ANKRD27: variants seen among roughly 807,000 people sequenced by gnomAD.
ANKRD27 encodes the protein ankyrin repeat domain 27.
A neutral mutation model predicts 129.7 loss-of-function variants in ANKRD27; 112 were observed. That is an observed-to-expected ratio of 0.86 (90% CI 0.74 to 1.01). The LOEUF (loss-of-function observed/expected upper bound fraction) is 1.01, where lower values mean the gene tolerates loss of function less well. Among genes scored for constraint, ANKRD27 ranks in the 50% least tolerant of loss-of-function variants. ANKRD27 has a pLI of 0.00. For synonymous variants in ANKRD27, 516 were observed against 511.2 expected (o/e 1.01, Z -0.13); for missense variants, 1,258 against 1,300.5 (o/e 0.97, Z 0.50).
chr19:32,654,575 TG>T (rs1967483838), intron 2 of ANKRD27, among the ~76,000 whole-genome samples: 1 of 152,232 alleles, frequency 6.6e-6, no homozygotes, highest in African/African-American at 2.4e-5. Flanking sequence ...GGGGCCGGCA[TG>T]GGCCAGCAAA....
chr19:32,609,411 G>A (rs1312227700), intron 22 of ANKRD27, among the ~76,000 whole-genome samples: 1 of 152,094 alleles, frequency 6.6e-6, no homozygotes, highest in Non-Finnish European at 1.5e-5. Flanking sequence ...CCAGAAGCAG[G>A]AAAACTACTC....
chr19:32,626,692 A>T lies in ANKRD27; in HGVS notation c.1536+20T>A, dbSNP rs1053696886. On this transcript the variant is annotated intron_variant, in intron 16 of 28. Coordinates refer to ENST00000306065, the MANE Select transcript of ANKRD27 (RefSeq NM_032139.3). ...CACAGGAGCAAAGCGACAGCCCGCCACAAAGGCACCACTGCTCACCGTCAC... is the reference window on the plus strand; with the variant it reads ...CACAGGAGCAAAGCGACAGCCCGCCTCAAAGGCACCACTGCTCACCGTCAC... 6.3e-7 allele frequency: 1 copy of T among 1,575,734 alleles called. No homozygotes were observed. The highest frequency in any genetic ancestry group is 8.6e-7 in the Non-Finnish European group (1 of 1,157,800).
At chr19:32,667,873 T>C (rs1967791090) in intron 1 of ANKRD27, among the ~76,000 whole-genome samples, 1 of 150,706 alleles carries the variant, frequency 6.6e-6, no homozygotes, top group Admixed American at 6.6e-5. Flanking sequence ...AGCTTGAGCC[T>C]GGGGCCTTCT....
rs182858466 is a variant in ANKRD27 at position 32,629,126 on chromosome 19, G to A, written c.1210-277C>T. Among the ~76,000 whole-genome samples the A allele has an allele frequency of 5.2e-3, 793 of 152,200 alleles. 3 individuals are homozygous for A. Among genetic ancestry groups the A allele is most frequent in the African/African-American group, 0.018 (736 of 41,516 alleles). ...AGTAGACACGGGGTTTTGCCATGTT[G>A]GCCAGGCTGGTCTCAAACTCCTGAC... is the stretch of plus-strand genomic sequence containing the variant. On this transcript the variant is annotated intron_variant, in intron 13 of 28. Coordinates refer to ENST00000306065, the MANE Select transcript of ANKRD27 (RefSeq NM_032139.3).
intron 1 of ANKRD27, chr19:32,672,820 C>T (rs1967898128): frequency 6.6e-6 from 1 of 152,486 alleles, no homozygotes; most frequent in South Asian, 2.1e-4. Flanking sequence ...TGGGCAGGAG[C>T]TCTAGGGCCG....
intron 1 of ANKRD27, among the ~76,000 whole-genome samples, chr19:32,665,286 T>C (rs1180613641): frequency 3.0e-5 from 4 of 132,654 alleles, no homozygotes; most frequent in Non-Finnish European, 4.9e-5. Context: ...ACTAAATTCA[T>C]GAATTTTTTT....
At chr19:32,603,309 T>C (rs1374903347) in intron 25 of ANKRD27, among the ~76,000 whole-genome samples, 1 of 152,172 alleles carries the variant, frequency 6.6e-6, no homozygotes, top group East Asian at 1.9e-4. Flanking sequence ...CTAAGGAGCC[T>C]GTCCATGGAG....
At position 32,597,245 on chromosome 19, in the gene ANKRD27, T is replaced by G. The variant is rs1971583691; in HGVS notation, c.*900A>C. ...TAGGCCAATAACATAAAAATAACAG[T>G]ATAATCTATAGAAATTTATAAAAAG... On this transcript the variant is annotated 3_prime_UTR_variant, in exon 29 of 29. Transcript: ENST00000306065. The G allele has an allele frequency of 6.6e-6, 1 of 152,564 alleles. No homozygotes were observed. The highest frequency in any genetic ancestry group is 2.1e-4 in the South Asian group (1 of 4,830). 9.5% of individuals were successfully genotyped at this position (152,564 alleles called of 1,614,324 possible).
At chr19:32,616,530 C>T (rs1469832092) in intron 21 of ANKRD27, among the ~76,000 whole-genome samples, 1 of 132,794 alleles carries the variant, frequency 7.5e-6, no homozygotes, top group African/African-American at 2.9e-5. Context: ...TCCTGGATGA[C>T]AGCGCAAGAC....
rs1428123686 is a variant in ANKRD27 at position 32,626,117 on chromosome 19, C to T, written c.1537-151G>A. 1.6e-5 allele frequency: 9 copies of T among 561,082 alleles called. No homozygotes were observed. The Admixed American group carries it at 2.7e-4, about 17-fold the overall frequency. 34.8% of individuals were successfully genotyped at this position (561,082 alleles called of 1,614,324 possible). On this transcript the variant is annotated intron_variant, in intron 16 of 28. Transcript: ENST00000306065. ...AAACCAACACCCATCATTCCTGACA[C>T]TTGAGAGACTGAAGAAAAAAGTCTA...
rs1337226920 is a variant in ANKRD27 at position 32,658,917 on chromosome 19, G to A, written c.99C>T (p.Gly33=). 3 of 1,613,626 alleles carry A rather than the reference G, an allele frequency of 1.9e-6. No individual in the cohort carries two copies. The highest frequency in any genetic ancestry group is 2.7e-5 in the African/African-American group (2 of 74,868). ...CCCCGAGGCTCAGTGCACTTACAAT[G>A]CCATGGATTTGGGCCACTTTGCTGC... ...DLCSKVAQIH[G]IVLVPCKGSL... Residue 33 remains glycine, a synonymous_variant, in exon 2 of 29, where the codon GGC becomes GGT. Coordinates refer to ENST00000306065, the MANE Select transcript of ANKRD27 (RefSeq NM_032139.3).
intron 1 of ANKRD27, 97 bp from the exon 2 acceptor site, chr19:32,659,142 T>C (rs904465892): frequency 9.1e-5 from 49 of 537,402 alleles, no homozygotes; most frequent in Middle Eastern, 3.2e-4. Flanking sequence ...TCTTTTTCTT[T>C]TTTTTTTTTT....
chr19:32,639,578 T>G, intron 11 of ANKRD27, 90 bp from the exon 12 acceptor site: 1 of 1,421,432 alleles, frequency 7.0e-7, no homozygotes, highest in Non-Finnish European at 9.7e-7. Flanking sequence ...ACTGATCAAA[T>G]ATCTAGTCAG....
chr19:32,643,204 C>T lies in ANKRD27; in HGVS notation c.706-5G>A. On this transcript the variant is annotated splice_polypyrimidine_tract_variant and splice_region_variant and intron_variant, in intron 8 of 28. Coordinates refer to ENST00000306065, the MANE Select transcript of ANKRD27 (RefSeq NM_032139.3). ...GATTTTGTTAAAGGCCGCATCCTAACAACAGATTTTAACGAACCTTCAAAT... is the reference window on the plus strand; with the variant it reads ...GATTTTGTTAAAGGCCGCATCCTAATAACAGATTTTAACGAACCTTCAAAT... The T allele has an allele frequency of 6.2e-7, 1 of 1,614,102 alleles. No homozygotes were observed. Among genetic ancestry groups the T allele is most frequent in the African/African-American group, 1.3e-5 (1 of 75,044 alleles).
At position 32,648,885 on chromosome 19, in the gene ANKRD27, G is replaced by C. The variant is rs79414477; in HGVS notation, c.213+797C>G. ...ATGTGGCAAGAATGTTAACAGCTTGGGGGGAAGCACATTTAAGAGTTTTTT... is the reference window on the plus strand; with the variant it reads ...ATGTGGCAAGAATGTTAACAGCTTGCGGGGAAGCACATTTAAGAGTTTTTT... On this transcript the variant is annotated intron_variant, in intron 3 of 28. Transcript: ENST00000306065. 1.3e-4 allele frequency among the ~76,000 whole-genome samples: 19 copies of C among 151,894 alleles called. No individual in the cohort carries two copies. The South Asian group carries it at 3.5e-3, about 28-fold the overall frequency.
intron 1 of ANKRD27, among the ~76,000 whole-genome samples, chr19:32,674,733 G>T (rs1216792557): frequency 1.3e-5 from 2 of 151,118 alleles, no homozygotes; most frequent in East Asian, 2.0e-4. Context: ...ACCGCCCCGC[G>T]CCCCGCCAGA....
At chr19:32,629,438 G>A (rs1292350335) in intron 13 of ANKRD27, among the ~76,000 whole-genome samples, 1 of 151,998 alleles carries the variant, frequency 6.6e-6, no homozygotes, top group African/African-American at 2.4e-5. Flanking sequence ...GGTGGCTCAC[G>A]CCTATAATCC....
chr19:32,625,904 G>A lies in ANKRD27; in HGVS notation c.1599C>T (p.Leu533=), dbSNP rs1429419112. The change falls in exon 17 of 29, where the codon CTC becomes CTT. Residue 533 remains leucine, a synonymous_variant. Transcript: ENST00000306065. The part of the protein sequence containing the change: ...EVQDNNGNTP[L]HLACTYGHED... Reference sequence around the variant, plus strand: ...CGTGGCCGTAGGTGCAGGCCAGGTGGAGTGGCGTATTCCCATTGTTGTCCT... The same window carrying A: ...CGTGGCCGTAGGTGCAGGCCAGGTGAAGTGGCGTATTCCCATTGTTGTCCT... 6 of 1,610,712 alleles carry A rather than the reference G, an allele frequency of 3.7e-6. No homozygotes were observed. The highest frequency in any genetic ancestry group is 1.7e-5 in the Admixed American group (1 of 59,282).
At chr19:32,620,906 AAAAAAG>A (rs1972000854) in intron 18 of ANKRD27, among the ~76,000 whole-genome samples, 2 of 151,570 alleles carry the variant, frequency 1.3e-5, no homozygotes, top group African/African-American at 2.4e-5. Context: ...AAAAAAAAAA[AAAAAAG>A]AGAACAGAAG....
Sources: allele counts gnomAD v4.1 joint callset (sites outside exome capture counted in the v4.1 genomes callset), GRCh38; gene constraint gnomAD v4.1.1; transcripts MANE v1.5; gene names NCBI Gene and HGNC (gene_info 2026-07-23, HGNC 2026-07-21).